PLEKHG1: variants seen among roughly 807,000 people sequenced by gnomAD.
The protein encoded by PLEKHG1 is pleckstrin homology domain-containing family G member 1.
A neutral mutation model predicts 100.8 loss-of-function variants in PLEKHG1; 44 were observed. The observed-to-expected ratio is 0.44, with a 90% CI of 0.34 to 0.56. The LOEUF (loss-of-function observed/expected upper bound fraction) is 0.56. PLEKHG1 is among the 20% of genes least tolerant of loss of function. PLEKHG1 has a pLI of 0.01. For missense variants in PLEKHG1, 1,545 were observed against 1,720.9 expected (o/e 0.90, Z 1.81); for synonymous variants, 640 against 662.5 (o/e 0.97, Z 0.52).
rs1776920471 is a variant in PLEKHG1 at position 150,831,386 on chromosome 6, A to G, written c.2275A>G (p.Ser759Gly). Residue 759 changes from serine to glycine, a missense_variant, in exon 15 of 16, where the codon AGC becomes GGC. Ser to Gly is a moderately conservative substitution (Grantham distance 56). Transcript: ENST00000358517. The surrounding 1 kb of genome is among the most constrained non-coding windows in gnomAD (Gnocchi z 4.1). The stretch of plus-strand genomic sequence containing the variant: ...TCCGTCGCTGGGTTTTAAGTGCAGC[A>G]GCCTAAAGCGTGCAAAGCGGAGCAC... 3 of 1,614,152 alleles carry G rather than the reference A, an allele frequency of 1.9e-6. No homozygotes were observed. Among genetic ancestry groups the G allele is most frequent in the Non-Finnish European group, 2.5e-6 (3 of 1,180,046 alleles).
chr6:150,645,411 TAAAC>T (rs1562405728), intron 2 of PLEKHG1, among the ~76,000 whole-genome samples: 1 of 152,160 alleles, frequency 6.6e-6, no homozygotes, highest in East Asian at 1.9e-4. Context: ...AAGAATTTCT[TAAAC>T]AAGACAAAAA....
chr6:150,730,094 C>T (rs776183035), intron 1 of PLEKHG1, among the ~76,000 whole-genome samples: 1 of 152,068 alleles, frequency 6.6e-6, no homozygotes, highest in Non-Finnish European at 1.5e-5. Context: ...GTCCATTTTT[C>T]TCTAGTCCTG....
chr6:150,753,029 C>G (rs891011115), intron 2 of PLEKHG1, among the ~76,000 whole-genome samples: 2 of 152,170 alleles, frequency 1.3e-5, no homozygotes, highest in African/African-American at 4.8e-5. Context: ...GGGAGGATGG[C>G]TTGAGCCCGG....
intron 1 of PLEKHG1, chr6:150,625,024 CTA>C (rs2128558989): frequency 6.6e-6 from 1 of 152,162 alleles, no homozygotes; most frequent in South Asian, 2.1e-4. Context: ...AACCCCGTCT[CTA>C]TTAAAAATAT....
chr6:150,774,073 T>C (rs543064190), intron 3 of PLEKHG1, among the ~76,000 whole-genome samples: 1 of 152,352 alleles, frequency 6.6e-6, no homozygotes, highest in African/African-American at 2.4e-5. Context: ...TTCTCAACTT[T>C]CCTGTTCTAA....
chr6:150,678,063 CATATATATATATATATAT>C lies in PLEKHG1; in HGVS notation c.-99+27300_-99+27317del, dbSNP rs201616866. Among the ~76,000 whole-genome samples the C allele has an allele frequency of 2.3e-3, 139 of 60,120 alleles. 2 individuals are homozygous for C. The highest frequency in any genetic ancestry group is 4.3e-3 in the African/African-American group (73 of 16,808). 39.4% of individuals were successfully genotyped at this position (60,120 alleles called of 152,430 possible). On this transcript the variant is annotated intron_variant, in intron 3 of 3. Coordinates refer to the PLEKHG1 transcript ENST00000367326. ...TGGGATACAATGTGATGTTTTGATGCATATATATATATATATATATATATATATATATATATATATGTT... is the reference window on the plus strand; with the variant it reads ...TGGGATACAATGTGATGTTTTGATGCATATATATATATATATATATATGTT...
chr6:150,620,813 A>T (rs1232229597), intron 1 of PLEKHG1, among the ~76,000 whole-genome samples: 1 of 152,210 alleles, frequency 6.6e-6, no homozygotes, highest in Admixed American at 6.5e-5. Context: ...TACAAGAGAC[A>T]TTACAAACAA....
At chr6:150,661,419 G>T (rs1779187058) in intron 3 of PLEKHG1, among the ~76,000 whole-genome samples, 1 of 151,968 alleles carries the variant, frequency 6.6e-6, no homozygotes, top group Non-Finnish European at 1.5e-5. Context: ...TTAAGCCAGG[G>T]TTTTTTTTCC....
At chr6:150,675,314 C>T (rs761435607) in intron 3 of PLEKHG1, among the ~76,000 whole-genome samples, 9 of 152,196 alleles carry the variant, frequency 5.9e-5, no homozygotes, top group African/African-American at 1.2e-4. Context: ...TGAAGACACG[C>T]GGCTCATAAG....
chr6:150,819,062 T>A (rs528357291), intron 11 of PLEKHG1, among the ~76,000 whole-genome samples: 12 of 151,074 alleles, frequency 7.9e-5, no homozygotes, highest in Admixed American at 6.6e-4. Flanking sequence ...CCCAGCGGAG[T>A]GCTAGGCTGT....
At chr6:150,817,201 C>T (rs1389180708) in intron 10 of PLEKHG1, among the ~76,000 whole-genome samples, 1 of 152,204 alleles carries the variant, frequency 6.6e-6, no homozygotes, top group Non-Finnish European at 1.5e-5. Context: ...GAAAGAGAGG[C>T]TCCCTGATCC....
At chr6:150,756,913 A>G (rs1055390006) in intron 2 of PLEKHG1, among the ~76,000 whole-genome samples, 3 of 152,194 alleles carry the variant, frequency 2.0e-5, no homozygotes, top group African/African-American at 7.2e-5. Flanking sequence ...AAGTGTTCCA[A>G]CTTATTAAAT....
intron 3 of PLEKHG1, among the ~76,000 whole-genome samples, chr6:150,657,517 G>A (rs1432401333): frequency 6.6e-6 from 1 of 152,028 alleles, no homozygotes; most frequent in Non-Finnish European, 1.5e-5. Flanking sequence ...TTAACTTTTC[G>A]ACTTGACCTG....
intron 2 of PLEKHG1, among the ~76,000 whole-genome samples, chr6:150,741,558 C>T (rs188686879): frequency 6.6e-6 from 1 of 152,324 alleles, no homozygotes; most frequent in Admixed American, 6.5e-5. Context: ...TACCATGTAT[C>T]AGGCACTAGG....
intron 2 of PLEKHG1, among the ~76,000 whole-genome samples, chr6:150,765,385 C>T (rs1447450403): frequency 6.6e-6 from 1 of 151,068 alleles, no homozygotes; most frequent in Admixed American, 6.6e-5. Context: ...CTCAGCTACT[C>T]GAGGGGGCTG....
At chr6:150,825,357 C>G (rs1776538215) in intron 14 of PLEKHG1, among the ~76,000 whole-genome samples, 1 of 152,038 alleles carries the variant, frequency 6.6e-6, no homozygotes, top group South Asian at 2.1e-4. Context: ...TGGCAGATCA[C>G]TTTGAGCTCA....
intron 7 of PLEKHG1, among the ~76,000 whole-genome samples, chr6:150,806,848 A>ATG: frequency 6.9e-6 from 1 of 145,874 alleles, no homozygotes; most frequent in Non-Finnish European, 1.5e-5. Flanking sequence ...AAAAAAAAAA[A>ATG]AAATGAAATG....
At chr6:150,747,188 G>A (rs567089445) in intron 2 of PLEKHG1, among the ~76,000 whole-genome samples, 141 of 152,312 alleles carry the variant, frequency 9.3e-4, no homozygotes, top group African/African-American at 3.2e-3. Context: ...TGAGTGGGTA[G>A]AAAATTATAG....
chr6:150,688,410 T>A (rs1362984348), intron 3 of PLEKHG1, among the ~76,000 whole-genome samples: 13 of 152,110 alleles, frequency 8.5e-5, no homozygotes, highest in Non-Finnish European at 8.8e-5. Context: ...AACCTCCGCC[T>A]CCCGGGTTCA....
Sources: gnomAD v4.1 joint callset for allele counts (sites outside exome capture counted in the v4.1 genomes callset) on GRCh38, gnomAD v4.1.1 for gene constraint, Gnocchi (gnomAD v3.1) non-coding constraint, MANE v1.5 for transcripts, NCBI Gene and HGNC (gene_info 2026-07-23, HGNC 2026-07-21) for gene names.